Variants in ADCK1 observed in about 807,000 individuals in gnomAD.
The protein encoded by ADCK1 is aarF domain containing kinase 1.
A neutral mutation model predicts 52.3 loss-of-function variants in ADCK1; 41 were observed. That is an observed-to-expected ratio of 0.78 (90% confidence interval 0.61 to 1.02). The LOEUF (loss-of-function observed/expected upper bound fraction) is 1.02. ADCK1 is among the 50% of genes least tolerant of loss of function. The pLI is 0.00. For synonymous variants in ADCK1, 250 were observed against 274.6 expected (o/e 0.91, Z 0.89); for missense variants, 658 against 679.5 (o/e 0.97, Z 0.35).
intron 4 of ADCK1, among the ~76,000 whole-genome samples, 167 bp downstream of exon 4, chr14:77,859,446 G>A (rs185196719): frequency 2.6e-5 from 4 of 152,326 alleles, no homozygotes; most frequent in Admixed American, 2.0e-4. Flanking sequence ...AGGAATCTCA[G>A]TGGCCCTCAG....
At chr14:77,847,543 C>G (rs2082196540) in intron 3 of ADCK1, among the ~76,000 whole-genome samples, 1 of 152,212 alleles carries the variant, frequency 6.6e-6, no homozygotes, top group African/African-American at 2.4e-5. Context: ...GCCCTCCAGC[C>G]TGGGTGATGG....
chr14:77,841,706 C>T lies in ADCK1; in HGVS notation c.220-17370C>T, dbSNP rs374101594. On this transcript the variant is annotated intron_variant, in intron 3 of 10. Coordinates refer to ENST00000238561, the MANE Select transcript of ADCK1 (RefSeq NM_020421.4). ...AAAAAAAAAAAAAAAATTAGCCAGG[C>T]GTGGGTGTGTGCCTGTAATCCCAGT... Among the ~76,000 whole-genome samples, 1,007 of 146,408 alleles carry T rather than the reference C, an allele frequency of 6.9e-3. 13 individuals carry two copies. Among genetic ancestry groups the T allele is most frequent in the Non-Finnish European group, 0.011 (762 of 67,060 alleles).
At chr14:77,829,957 A>C (rs1210645332) in intron 3 of ADCK1, among the ~76,000 whole-genome samples, 2 of 151,096 alleles carry the variant, frequency 1.3e-5, no homozygotes, top group African/African-American at 2.4e-5. Context: ...AGATTAATTC[A>C]ATGTTACTGG....
intron 3 of ADCK1, among the ~76,000 whole-genome samples, chr14:77,839,693 G>A (rs1323376368): frequency 6.6e-6 from 1 of 152,018 alleles, no homozygotes; most frequent in African/African-American, 2.4e-5. Context: ...CAGCACTTTG[G>A]GAGGCCGATG....
intron 3 of ADCK1, among the ~76,000 whole-genome samples, chr14:77,857,588 A>T (rs529974761): frequency 1.3e-5 from 2 of 152,064 alleles, no homozygotes; most frequent in Non-Finnish European, 1.5e-5. Context: ...CCAATATCAC[A>T]TGTTCTCTCT....
intron 3 of ADCK1, among the ~76,000 whole-genome samples, chr14:77,834,247 T>TTC (rs981834775): frequency 6.6e-6 from 1 of 151,824 alleles, no homozygotes; most frequent in African/African-American, 2.4e-5. Flanking sequence ...AGGTTTGATT[T>TTC]TCTCTCTCTC....
chr14:77,887,824 A>T (rs939657988), intron 5 of ADCK1, among the ~76,000 whole-genome samples: 12 of 152,202 alleles, frequency 7.9e-5, no homozygotes, highest in African/African-American at 2.9e-4. Flanking sequence ...GGTGCTGAGC[A>T]GCCACTGCTT....
At chr14:77,840,617 G>T (rs1393538981) in intron 3 of ADCK1, among the ~76,000 whole-genome samples, 2 of 152,088 alleles carry the variant, frequency 1.3e-5, no homozygotes, top group African/African-American at 4.8e-5. Context: ...GGAGGCTGAG[G>T]GGAGTGGTTC....
intron 3 of ADCK1, among the ~76,000 whole-genome samples, chr14:77,844,188 C>A (rs1389432715): frequency 2.0e-5 from 3 of 152,060 alleles, no homozygotes; most frequent in African/African-American, 4.8e-5. Context: ...TCAAGCAATT[C>A]TTGTGCTTCA....
chr14:77,926,291 T>C (rs1192336301), intron 9 of ADCK1, among the ~76,000 whole-genome samples: 3 of 152,152 alleles, frequency 2.0e-5, no homozygotes, highest in Non-Finnish European at 4.4e-5. Context: ...CTTCCCCAAG[T>C]TCTCCCACAA....
At chr14:77,823,695 C>T (rs1030310168) in intron 3 of ADCK1, among the ~76,000 whole-genome samples, 2 of 151,898 alleles carry the variant, frequency 1.3e-5, no homozygotes, top group East Asian at 1.9e-4. Context: ...GCCTCAGCCT[C>T]CTGAGTGGCT....
chr14:77,856,069 G>A (rs984670934), intron 3 of ADCK1, among the ~76,000 whole-genome samples: 4 of 151,980 alleles, frequency 2.6e-5, no homozygotes, highest in Non-Finnish European at 4.4e-5. Context: ...AATTAGCTAG[G>A]CGTGGTCGCG....
chr14:77,844,258 A>C (rs2082131288), intron 3 of ADCK1, among the ~76,000 whole-genome samples: 1 of 151,956 alleles, frequency 6.6e-6, no homozygotes, highest in Non-Finnish European at 1.5e-5. Flanking sequence ...TTATTTTTGT[A>C]TATTACTAGA....
chr14:77,805,584 T>C (rs1288809483), intron 1 of ADCK1, among the ~76,000 whole-genome samples: 1 of 152,148 alleles, frequency 6.6e-6, no homozygotes, highest in Non-Finnish European at 1.5e-5. Context: ...TATATGGCTC[T>C]TTATAGAAAA....
At chr14:77,910,628 C>A (rs186044479) in intron 7 of ADCK1, among the ~76,000 whole-genome samples, 1 of 152,288 alleles carries the variant, frequency 6.6e-6, no homozygotes, top group East Asian at 1.9e-4. Context: ...CCCTCAAGTC[C>A]ATTAATCTCT....
At chr14:77,866,258 G>A (rs1357410048) in intron 4 of ADCK1, among the ~76,000 whole-genome samples, 3 of 152,228 alleles carry the variant, frequency 2.0e-5, no homozygotes, top group African/African-American at 7.2e-5. Context: ...AAAAGGTTCA[G>A]TAAAAATATG....
chr14:77,886,452 C>T (rs1340573459), intron 4 of ADCK1, among the ~76,000 whole-genome samples: 10 of 152,220 alleles, frequency 6.6e-5, no homozygotes, highest in Admixed American at 5.9e-4. Flanking sequence ...GCAAATAAAG[C>T]TCAGTTCTGA....
At chr14:77,874,692 G>A (rs1037903237) in intron 4 of ADCK1, among the ~76,000 whole-genome samples, 15 of 152,154 alleles carry the variant, frequency 9.9e-5, no homozygotes, top group African/African-American at 3.6e-4. Context: ...CAGGTATTTA[G>A]TGCGCTTCTG....
intron 2 of ADCK1, 127 bp downstream of exon 2, chr14:77,819,240 A>C: frequency 1.5e-6 from 2 of 1,333,540 alleles, no homozygotes; most frequent in Non-Finnish European, 2.1e-6. Context: ...CATGTGCAAA[A>C]GCTACATCTG....
Sources: allele counts gnomAD v4.1 joint callset (sites outside exome capture counted in the v4.1 genomes callset), GRCh38; gene constraint gnomAD v4.1.1; transcripts MANE v1.5; gene names NCBI Gene and HGNC (gene_info 2026-07-23, HGNC 2026-07-21).